Variants in HOXC6 observed in about 807,000 individuals in gnomAD.
HOXC6 encodes homeobox C6.
HOXC6 carries 10 observed loss-of-function variants against 24.0 expected under a neutral mutation model. The observed-to-expected ratio is 0.42, with a 90% CI of 0.26 to 0.71. The LOEUF (loss-of-function observed/expected upper bound fraction) is 0.71. HOXC6 is among the 30% of genes least tolerant of loss of function. The pLI, the probability that HOXC6 is intolerant of heterozygous loss-of-function variation, is 0.28. For synonymous variants in HOXC6, 123 were observed against 128.1 expected, an observed-to-expected ratio of 0.96 and a Z score of 0.27; for missense variants, 258 against 303.4, an observed-to-expected ratio of 0.85 and a Z score of 1.11.
Position 54,028,564 on chromosome 12 carries a change from G to T in HOXC6, c.43G>T (p.Ala15Ser), listed in dbSNP as rs181552044. The T allele has an allele frequency of 6.2e-7, 1 of 1,614,064 alleles. No homozygotes were observed. The highest frequency in any genetic ancestry group is 1.7e-5 in the Admixed American group (1 of 60,012). ...TAACCCTTCCTTATCCTGCCACCTC[G>T]CCGGGGGCCAGGACGTCCTCCCCAA... is the stretch of plus-strand genomic sequence containing the variant. ...FTNPSLSCHL[A>S]GGQDVLPNVA... The change falls in exon 1 of 2, where the codon GCC becomes TCC. Residue 15 changes from alanine (A) to serine (S), a missense_variant. Ala to Ser is a moderately conservative substitution (Grantham distance 99). Transcript: ENST00000243108.
At chr12:54,027,973 A>C (rs1940799557), upstream of HOXC6, among the ~76,000 whole-genome samples, 1 of 152,158 alleles carries the variant, frequency 6.6e-6, no homozygotes, top group Non-Finnish European at 1.5e-5. Context: ...GTGTCAAAAC[A>C]GGATTTCCTG....
Position 54,029,759 on chromosome 12 carries a change from C to G in HOXC6, c.505C>G (p.Arg169Gly). 6.2e-7 allele frequency: 1 copy of G among 1,614,144 alleles called. No homozygotes were observed. The highest frequency in any genetic ancestry group is 8.5e-7 in the Non-Finnish European group (1 of 1,180,022). The part of the protein sequence containing the change: ...EFHFNRYLTR[R>G]RRIEIANALC... ...TCACTTCAATCGCTACCTAACGCGG[C>G]GCCGGCGCATCGAGATCGCCAACGC... The change falls in exon 2 of 2, where the codon CGC becomes GGC. Residue 169 changes from arginine (R) to glycine (G), a missense_variant. By Grantham distance (125) the Arg-to-Gly change is moderately radical. Coordinates refer to ENST00000243108, the MANE Select transcript of HOXC6 (RefSeq NM_004503.4).
chr12:54,028,301 G>A (rs1940819952), upstream of HOXC6: 7 of 413,938 alleles, frequency 1.7e-5, 1 homozygote, highest in Admixed American at 2.4e-4. Context: ...TACTTTCAAA[G>A]CACACACTTA....
intron 1 of HOXC6, among the ~76,000 whole-genome samples, chr12:54,018,809 C>A (rs1025343949): frequency 6.6e-6 from 1 of 152,148 alleles, no homozygotes; most frequent in African/African-American, 2.4e-5. Context: ...GGGGGCCAGA[C>A]TTACCTTAAT....
chr12:54,029,048 C>G (rs899459501), intron 1 of HOXC6, 127 bp downstream of exon 1: 1 of 900,732 alleles, frequency 1.1e-6, no homozygotes, highest in Non-Finnish European at 1.6e-6. Context: ...GTCTCCTCAC[C>G]GAGACAGGGC....
At chr12:54,027,218 G>A (rs1940758835), upstream of HOXC6, among the ~76,000 whole-genome samples, 1 of 152,182 alleles carries the variant, frequency 6.6e-6, no homozygotes, top group South Asian at 2.1e-4. Flanking sequence ...TAAAATGGGC[G>A]TTGAGGTTGC....
rs201035626 is a variant in HOXC6 at position 54,029,933 on chromosome 12, G to C, written c.679G>C (p.Glu227Gln). Reference sequence around the variant, plus strand: ...GGGCGGAAAAGAGGAAAAGCGGGAAGAGACAGAAGAGGAGAAGCAGAAAGA... The same window carrying C: ...GGGCGGAAAAGAGGAAAAGCGGGAACAGACAGAAGAGGAGAAGCAGAAAGA... The part of the protein sequence containing the change: ...SLGGKEEKRE[E>Q]TEEEKQKE The change falls in exon 2 of 2, where the codon GAG (glutamate) becomes CAG (glutamine). Residue 227 changes from glutamate (E) to glutamine (Q), a missense_variant. By Grantham distance (29) the Glu-to-Gln change is conservative (BLOSUM62 2). Coordinates refer to ENST00000243108, the MANE Select transcript of HOXC6 (RefSeq NM_004503.4). 4 of 1,596,478 alleles carry C rather than the reference G, an allele frequency of 2.5e-6. No individual in the cohort carries two copies. Among genetic ancestry groups the C allele is most frequent in the Non-Finnish European group, 3.4e-6 (4 of 1,170,622 alleles).
At chr12:54,017,528 G>A (rs1940208638) in intron 1 of HOXC6, 1 of 152,046 alleles carries the variant, frequency 6.6e-6, no homozygotes, top group South Asian at 2.1e-4. Context: ...CGAGAGGGTG[G>A]GCGCGTAGTT....
chr12:54,028,174 T>C (rs1250662888), upstream of HOXC6, among the ~76,000 whole-genome samples: 1 of 151,872 alleles, frequency 6.6e-6, no homozygotes, highest in Non-Finnish European at 1.5e-5. Context: ...GTAGTACAGC[T>C]CTCCTTCCCT....
In HOXC6 at chr12:54,029,882, G is replaced by A; in HGVS notation, c.628G>A (p.Gly210Ser). ...SNLTSTLSGG[G>S]GGATADSLGG... ...TCTCACATCCACTCTCTCGGGGGGCGGCGGAGGGGCCACCGCCGACAGCCT... is the reference window on the plus strand; with the variant it reads ...TCTCACATCCACTCTCTCGGGGGGCAGCGGAGGGGCCACCGCCGACAGCCT... Residue 210 changes from glycine to serine, a missense_variant, in exon 2 of 2, where the codon GGC (glycine) becomes AGC (serine). Transcript: ENST00000243108. 6.2e-7 allele frequency: 1 copy of A among 1,611,824 alleles called. No individual in the cohort carries two copies. The highest frequency in any genetic ancestry group is 1.1e-5 in the South Asian group (1 of 90,994).
rs1940828972 is a variant in HOXC6, at chr12:54,028,449, TAGTTCCG to T, written c.-69_-63del. 12 of 1,501,034 alleles carry T rather than the reference TAGTTCCG, an allele frequency of 8.0e-6. No homozygotes were observed. Among genetic ancestry groups the T allele is most frequent in the Non-Finnish European group, 8.2e-6 (9 of 1,101,884 alleles). The allele number at this position is 1,501,034 out of a possible 1,614,324, so 93.0% of individuals were successfully genotyped here. On this transcript the variant is annotated 5_prime_UTR_variant, in exon 1 of 2. Transcript: ENST00000243108. ...GATTGGAGCCGTCCCTATAACCATC[TAGTTCCG>T]AGTACAAACTGGAGACAGAAATAAA...
At chr12:54,022,100 C>T (rs1193505735) in intron 1 of HOXC6, 2 of 152,278 alleles carry the variant, frequency 1.3e-5, no homozygotes, top group African/African-American at 4.8e-5. Context: ...GCTTTTCTTC[C>T]TTCCCCTGGT....
rs1940837152 is a variant in HOXC6 at position 54,028,587 on chromosome 12, C to A, written c.66C>A (p.Pro22=). The A allele has an allele frequency of 1.2e-6, 2 of 1,614,000 alleles. No individual in the cohort carries two copies. Among genetic ancestry groups the A allele is most frequent in the African/African-American group, 2.7e-5 (2 of 74,892 alleles). ...CHLAGGQDVL[P]NVALNSTAYD... ...TCGCCGGGGGCCAGGACGTCCTCCC[C>A]AACGTCGCCCTCAATTCCACCGCCT... Residue 22 remains proline (P), a synonymous_variant, in exon 1 of 2, where the codon CCC becomes CCA. Transcript: ENST00000243108.
In HOXC6 at chr12:54,023,051, C is replaced by G. The variant is rs541341577; in HGVS notation, c.-192-5525C>G. ...GCCAAGCAGGGCCACTTGCTTTGCC[C>G]CCCTCAAGTGTCCCTAGGCATCTAA... On this transcript the variant is annotated intron_variant, in intron 1 of 2. Coordinates refer to the HOXC6 transcript ENST00000394331. Among the ~76,000 whole-genome samples, 25 of 152,252 alleles carry G rather than the reference C, an allele frequency of 1.6e-4. No homozygotes were observed. In the South Asian group the frequency reaches 5.0e-3, roughly 30 times the overall value.
chr12:54,029,884 C>A lies in HOXC6; in HGVS notation c.630C>A (p.Gly210=), dbSNP rs768294867. 1 of 1,610,382 alleles carries A rather than the reference C, an allele frequency of 6.2e-7. No individual in the cohort carries two copies. Among genetic ancestry groups the A allele is most frequent in the Non-Finnish European group, 8.5e-7 (1 of 1,178,140 alleles). The change falls in exon 2 of 2, where the codon GGC becomes GGA. Residue 210 remains glycine (G), a synonymous_variant. Coordinates refer to ENST00000243108, the MANE Select transcript of HOXC6 (RefSeq NM_004503.4). The stretch of plus-strand genomic sequence containing the variant: ...TCACATCCACTCTCTCGGGGGGCGG[C>A]GGAGGGGCCACCGCCGACAGCCTGG... ...SNLTSTLSGG[G]GGATADSLGG...
upstream of HOXC6, among the ~76,000 whole-genome samples, chr12:54,023,772 T>C (rs1413344848): frequency 6.6e-6 from 1 of 152,216 alleles, no homozygotes; most frequent in Non-Finnish European, 1.5e-5. Flanking sequence ...GTGTACCTTT[T>C]TGGAATGCGG....
chr12:54,028,808 C>CA lies in HOXC6; in HGVS notation c.288dup (p.Gln97ThrfsTer9). ...AGACAAAACACCTTAGGACATAACACACAGACCTCAATCGCTCAGGATTTT... is the reference window on the plus strand; with the variant it reads ...AGACAAAACACCTTAGGACATAACACAACAGACCTCAATCGCTCAGGATTTT... On this transcript the variant is annotated frameshift_variant, in exon 1 of 2. Coordinates refer to ENST00000243108, the MANE Select transcript of HOXC6 (RefSeq NM_004503.4). LOFTEE classifies it high-confidence loss of function. The CA allele has an allele frequency of 6.2e-7, 1 of 1,614,182 alleles. No homozygotes were observed. Among genetic ancestry groups the CA allele is most frequent in the Non-Finnish European group, 8.5e-7 (1 of 1,180,026 alleles).
rs764263179 is a variant in HOXC6 at position 54,028,764 on chromosome 12, A to G, written c.243A>G (p.Lys81=). ...GATCTAATTCCTTTTACCAGGAGAA[A>G]GACATGCTCTCAAACTGCAGACAAA... ...DYGSNSFYQE[K]DMLSNCRQNT... is the part of the protein sequence containing the mutation. The change falls in exon 1 of 2, where the codon AAA becomes AAG. Residue 81 remains lysine, a synonymous_variant. Transcript: ENST00000243108. 13 of 1,614,022 alleles carry G rather than the reference A, an allele frequency of 8.1e-6. No homozygotes were observed. In the Admixed American group the frequency reaches 2.2e-4, roughly 27 times the overall value.
chr12:54,029,598 G>T, intron 1 of HOXC6, 57 bp from the exon 2 acceptor site: 1 of 1,556,948 alleles, frequency 6.4e-7, no homozygotes, highest in Non-Finnish European at 8.7e-7. Flanking sequence ...AGGCGAAACA[G>T]TCTGCAGAGG....
Sources: allele counts gnomAD v4.1 joint callset (sites outside exome capture counted in the v4.1 genomes callset), GRCh38; gene constraint gnomAD v4.1.1; transcripts MANE v1.5; gene names NCBI Gene and HGNC (gene_info 2026-07-23, HGNC 2026-07-21).